Variants in DSC1 observed in about 807,000 individuals in gnomAD.
DSC1 encodes the protein desmocollin-1.
Under a neutral mutation model 98.8 loss-of-function variants are expected in DSC1, and 79 were observed. The ratio of observed to expected loss-of-function variants is 0.80; its 90% CI spans 0.67 to 0.96. The LOEUF (loss-of-function observed/expected upper bound fraction) is 0.96, where lower values mean the gene tolerates loss of function less well. Among genes scored for constraint, DSC1 ranks in the 50% least tolerant of loss-of-function variants. The probability of loss-of-function intolerance (pLI) is 0.00; values close to 1 mark genes in which losing one functional copy is unlikely to be tolerated. For synonymous variants in DSC1, 405 were observed against 372.1 expected, an observed-to-expected ratio of 1.09 and a Z score of -1.02; for missense variants, 1,115 against 1,075.9, an observed-to-expected ratio of 1.04 and a Z score of -0.51.
intron 5 of DSC1, among the ~76,000 whole-genome samples, chr18:31,152,935 A>G (rs972588859): frequency 2.1e-5 from 2 of 95,568 alleles, no homozygotes; most frequent in African/African-American, 7.9e-5. Context: ...GAATTTTACT[A>G]ATTTGCAAGT....
intron 5 of DSC1, among the ~76,000 whole-genome samples, chr18:31,150,279 TCACCACCACCACCACTAC>T (rs1988950595): frequency 1.8e-5 from 1 of 54,104 alleles, no homozygotes; most frequent in Admixed American, 2.2e-4. Context: ...ACCACTACCA[TCACCACCACCACCACTAC>T]CATCATCACC....
At chr18:31,135,600 A>T (rs895981533) in intron 11 of DSC1, among the ~76,000 whole-genome samples, 1 of 152,274 alleles carries the variant, frequency 6.6e-6, no homozygotes, top group South Asian at 2.1e-4. Flanking sequence ...ACCCTAATGC[A>T]ATTCATATGT....
intron 9 of DSC1, among the ~76,000 whole-genome samples, 187 bp downstream of exon 9, chr18:31,141,812 A>G (rs185282295): frequency 3.3e-5 from 5 of 152,172 alleles, no homozygotes; most frequent in East Asian, 1.9e-4. Flanking sequence ...TGTACCTGAC[A>G]TGACTTTCTT....
intron 2 of DSC1, among the ~76,000 whole-genome samples, chr18:31,159,215 G>A (rs1268079104): frequency 7.8e-6 from 1 of 129,014 alleles, no homozygotes; most frequent in Non-Finnish European, 1.7e-5. Flanking sequence ...CACCGCGCCC[G>A]GCTAATTTTT....
At chr18:31,148,367 A>G (rs1278156571) in intron 6 of DSC1, 131 bp downstream of exon 6, 2 of 1,180,678 alleles carry the variant, frequency 1.7e-6, no homozygotes, top group Non-Finnish European at 2.3e-6. Flanking sequence ...CTAATGGGAA[A>G]AAAAGTGTAT....
Position 31,130,370 on chromosome 18 carries a change from G to A in DSC1, c.*144C>T. 5 of 800,072 alleles carry A rather than the reference G, an allele frequency of 6.2e-6. No individual in the cohort carries two copies. The highest frequency in any genetic ancestry group is 9.8e-6 in the Non-Finnish European group (5 of 507,806). The allele number at this position is 800,072 out of a possible 1,614,324, so 49.6% of individuals were successfully genotyped here. The stretch of plus-strand genomic sequence containing the variant: ...TTATACCAGACAAGGAGAATGTAGG[G>A]GAATCTCATATTTATAGTACCCTTA... On this transcript the variant is annotated 3_prime_UTR_variant, in exon 16 of 16. Transcript: ENST00000257198.
rs573829157 is a variant in DSC1 at position 31,129,925 on chromosome 18, T to G, written c.*589A>C. On this transcript the variant is annotated 3_prime_UTR_variant, in exon 16 of 16. Transcript: ENST00000257198. ...GGGCAGAGGTCCAGGGACTGAGCTCTGAAGGATCCTGAAAGAAAACAATGC... is the reference window on the plus strand; with the variant it reads ...GGGCAGAGGTCCAGGGACTGAGCTCGGAAGGATCCTGAAAGAAAACAATGC... 6.5e-6 allele frequency: 1 copy of G among 152,848 alleles called. No homozygotes were observed. Among genetic ancestry groups the G allele is most frequent in the African/African-American group, 2.4e-5 (1 of 41,564 alleles). The allele number at this position is 152,848 out of a possible 1,614,324, so 9.5% of individuals were successfully genotyped here.
chr18:31,154,950 T>C, intron 4 of DSC1, 21 bp from the exon 5 acceptor site: 1 of 1,609,666 alleles, frequency 6.2e-7, no homozygotes, highest in Non-Finnish European at 8.5e-7. Context: ...AATTTAGGAA[T>C]AGAACAAATA....
In DSC1 at chr18:31,157,388, A is replaced by G; in HGVS notation, c.334T>C (p.Ser112Pro). 6.2e-7 allele frequency: 1 copy of G among 1,614,190 alleles called. No homozygotes were observed. ...REQQEIKVVL[S>P]ARENKSPKKR... ...CCTTATACCTTGTTTTCTCTTGCTG[A>G]CAGTACAACTTTTATCTCTTGTTGT... The change falls in exon 3 of 16, where the codon TCA becomes CCA. Residue 112 changes from serine (S) to proline (P), a missense_variant. By Grantham distance (74) the Ser-to-Pro change is moderately conservative. Transcript: ENST00000257198.
chr18:31,147,961 C>CGCTG (rs1202475285), intron 6 of DSC1, among the ~76,000 whole-genome samples: 1 of 140,764 alleles, frequency 7.1e-6, no homozygotes, highest in Non-Finnish European at 1.5e-5. Context: ...TTTAAAAAAC[C>CGCTG]ACTGAATGAA....
chr18:31,131,791 T>A lies in DSC1; in HGVS notation c.2290A>T (p.Met764Leu). The A allele has an allele frequency of 6.2e-7, 1 of 1,614,130 alleles. No individual in the cohort carries two copies. Among genetic ancestry groups the A allele is most frequent in the South Asian group, 1.1e-5 (1 of 91,088 alleles). The part of the protein sequence containing the change: ...MQTSNICDTS[M>L]SVGTVGGQGI... The stretch of plus-strand genomic sequence containing the variant: ...TGGCCACCAACAGTACCAACAGACA[T>A]GCTTGTGTCACAAATGTTGGATGTC... The change falls in exon 15 of 16, where the codon ATG becomes TTG. Residue 764 changes from methionine (M) to leucine (L), a missense_variant. Transcript: ENST00000257198.
rs1989237069 is a variant in DSC1, at chr18:31,162,845, T to C, written c.-251A>G. The C allele has an allele frequency of 2.1e-6, 1 of 479,586 alleles. No individual in the cohort carries two copies. The highest frequency in any genetic ancestry group is 3.8e-6 in the Non-Finnish European group (1 of 266,568). 29.7% of individuals were successfully genotyped at this position (479,586 alleles called of 1,614,324 possible). ...CAATTACGTCTAAATGCAAAGAGGCTTTCCTACAAGTGAGGAGGGTGGGGT... is the reference window on the plus strand; with the variant it reads ...CAATTACGTCTAAATGCAAAGAGGCCTTCCTACAAGTGAGGAGGGTGGGGT... On this transcript the variant is annotated 5_prime_UTR_variant, in exon 1 of 16. Transcript: ENST00000257198.
At chr18:31,141,612 A>G (rs1163425878) in intron 9 of DSC1, among the ~76,000 whole-genome samples, 1 of 152,228 alleles carries the variant, frequency 6.6e-6, no homozygotes, top group Non-Finnish European at 1.5e-5. Flanking sequence ...AAAATGTACT[A>G]TGAACATGAA....
intron 5 of DSC1, among the ~76,000 whole-genome samples, chr18:31,150,231 CCAT>C (rs1235846318): frequency 7.0e-6 from 1 of 142,360 alleles, no homozygotes; most frequent in African/African-American, 2.6e-5. Context: ...ACCACTACCA[CCAT>C]CATCACCACC....
chr18:31,144,940 CT>C (rs1180867352), intron 7 of DSC1, among the ~76,000 whole-genome samples: 67 of 105,058 alleles, frequency 6.4e-4, no homozygotes, highest in Middle Eastern at 5.1e-3. Flanking sequence ...CTTTTTCTTT[CT>C]TTTTTTTTTT....
At position 31,146,853 on chromosome 18, in the gene DSC1, T is replaced by C. The variant is rs532009637; in HGVS notation, c.773-1076A>G. Reference sequence around the variant, plus strand: ...ATTTTATGCTTTGTACTTTAATAAATGTGATAAATTATTAATGTATACAAA... The same window carrying C: ...ATTTTATGCTTTGTACTTTAATAAACGTGATAAATTATTAATGTATACAAA... On this transcript the variant is annotated intron_variant, in intron 6 of 15. Transcript: ENST00000257198. Among the ~76,000 whole-genome samples, 9 of 152,336 alleles carry C rather than the reference T, an allele frequency of 5.9e-5. No individual in the cohort carries two copies. In the South Asian group the frequency reaches 1.4e-3, roughly 25 times the overall value.
At chr18:31,131,912 T>A in intron 14 of DSC1, 70 bp from the exon 15 acceptor site, 1 of 1,552,006 alleles carries the variant, frequency 6.4e-7, no homozygotes, top group Non-Finnish European at 8.8e-7. Context: ...TCATTTTTTT[T>A]CACCATAGGC....
chr18:31,152,948 T>C (rs1989028969), intron 5 of DSC1, among the ~76,000 whole-genome samples: 1 of 150,372 alleles, frequency 6.7e-6, no homozygotes, highest in African/African-American at 2.4e-5. Flanking sequence ...TTGCAAGTGG[T>C]GTTTCTTAAT....
chr18:31,161,825 C>A (rs1220499796), intron 1 of DSC1, among the ~76,000 whole-genome samples: 1 of 152,058 alleles, frequency 6.6e-6, no homozygotes, highest in African/African-American at 2.4e-5. Flanking sequence ...GTCCTCATAC[C>A]TGCCATTTCT....
Sources: allele counts gnomAD v4.1 joint callset (sites outside exome capture counted in the v4.1 genomes callset), GRCh38; gene constraint gnomAD v4.1.1; transcripts MANE v1.5; gene names NCBI Gene and HGNC (gene_info 2026-07-23, HGNC 2026-07-21).